The following SH2D3C variants were observed in gnomAD, a reference collection of about 807,000 sequenced individuals.
SH2D3C encodes the protein SH2 domain containing 3C.
SH2D3C carries 25 observed loss-of-function variants against 75.2 expected under a neutral mutation model. The observed-to-expected ratio is 0.33, with a 90% CI of 0.24 to 0.46. The LOEUF (loss-of-function observed/expected upper bound fraction) is 0.46, where lower values mean the gene tolerates loss of function less well. SH2D3C is among the 20% of genes least tolerant of loss of function. SH2D3C has a pLI of 1.00. For missense variants in SH2D3C, 933 were observed against 1,165.3 expected, an observed-to-expected ratio of 0.80 and a Z score of 2.90; for synonymous variants, 450 against 473.7, an observed-to-expected ratio of 0.95 and a Z score of 0.65.
rs1845774557 is a variant in SH2D3C, at chr9:127,774,033, C to CTCCTGTG, written c.465_471dup (p.Asp158HisfsTer131). 1.2e-6 allele frequency: 2 copies of CTCCTGTG among 1,614,128 alleles called. No homozygotes were observed. Among genetic ancestry groups the CTCCTGTG allele is most frequent in the East Asian group, 4.5e-5 (2 of 44,888 alleles). Reference sequence around the variant, plus strand: ...CTGGGAGGTCTCTCCTCTTCTACGTCTCCTGTGGGGACCTCAGGCTTTCTG... The same window carrying CTCCTGTG: ...CTGGGAGGTCTCTCCTCTTCTACGTCTCCTGTGTCCTGTGGGGACCTCAGGCTTTCTG... On this transcript the variant is annotated frameshift_variant, in exon 2 of 12. Coordinates refer to ENST00000314830, the MANE Select transcript of SH2D3C (RefSeq NM_170600.3). LOFTEE classifies it high-confidence loss of function. The surrounding 1 kb of genome is among the most constrained non-coding windows in gnomAD (Gnocchi z 4.3).
intron 3 of SH2D3C, among the ~76,000 whole-genome samples, chr9:127,760,545 T>C (rs1333422304): frequency 1.3e-5 from 2 of 152,180 alleles, no homozygotes; most frequent in Non-Finnish European, 2.9e-5. Flanking sequence ...TATACCTATG[T>C]AACAAACCTG....
chr9:127,759,876 G>C (rs184921256), intron 3 of SH2D3C, among the ~76,000 whole-genome samples: 1 of 151,842 alleles, frequency 6.6e-6, no homozygotes, highest in Non-Finnish European at 1.5e-5. Context: ...CCAGCTACTC[G>C]GGAGGCTGAG....
At chr9:127,766,462 T>C (rs1039126283) in intron 2 of SH2D3C, among the ~76,000 whole-genome samples, 4 of 152,232 alleles carry the variant, frequency 2.6e-5, no homozygotes, top group Non-Finnish European at 5.9e-5. Context: ...TCCTGGCCCA[T>C]GTGGGGCTCC....
intron 2 of SH2D3C, chr9:127,767,233 G>A: frequency 6.7e-7 from 1 of 1,488,514 alleles, no homozygotes; most frequent in South Asian, 1.3e-5. Flanking sequence ...CGGAGCTGAG[G>A]ATGCTGGGCC....
chr9:127,771,168 C>A, intron 2 of SH2D3C: 1 of 1,535,164 alleles, frequency 6.5e-7, no homozygotes, highest in South Asian at 1.2e-5. Context: ...CCTCCCCAGG[C>A]CCAGCTCGGT....
intron 2 of SH2D3C, among the ~76,000 whole-genome samples, chr9:127,768,236 G>C (rs1365886412): frequency 2.0e-5 from 3 of 152,192 alleles, no homozygotes; most frequent in African/African-American, 7.2e-5. Flanking sequence ...GGCCGAGAGG[G>C]TCGTGGGACT....
intron 6 of SH2D3C, among the ~76,000 whole-genome samples, chr9:127,746,123 A>C (rs1385234924): frequency 1.3e-5 from 2 of 152,206 alleles, no homozygotes; most frequent in East Asian, 3.8e-4. Context: ...GATTGCTTAG[A>C]AACTGTCCAA....
rs754886525 is a variant in SH2D3C at position 127,751,586 on chromosome 9, G to A, written c.556-286C>T. Reference sequence around the variant, plus strand: ...CAAGGCAGTGCCTAGTCTGAGGAGAGGCAAAAGCAACAGGAGCCTCTGAGT... The same window carrying A: ...CAAGGCAGTGCCTAGTCTGAGGAGAAGCAAAAGCAACAGGAGCCTCTGAGT... On this transcript the variant is annotated intron_variant, in intron 3 of 11. Coordinates refer to ENST00000314830, the MANE Select transcript of SH2D3C (RefSeq NM_170600.3). This position sits in a 1 kb window ranked among gnomAD's most constrained non-coding sequence, Gnocchi z 4.1. 2.6e-5 allele frequency among the ~76,000 whole-genome samples: 4 copies of A among 152,260 alleles called. No individual in the cohort carries two copies. The highest frequency in any genetic ancestry group is 5.9e-5 in the Non-Finnish European group (4 of 68,056).
At chr9:127,741,720 A>G in intron 9 of SH2D3C, 68 bp downstream of exon 9, 2 of 1,543,658 alleles carry the variant, frequency 1.3e-6, no homozygotes, top group South Asian at 1.2e-5. Flanking sequence ...ATATACAGCC[A>G]TCCCAAAGGC....
At chr9:127,742,519 G>A (rs950961741) in intron 8 of SH2D3C, 24 of 246,792 alleles carry the variant, frequency 9.7e-5, no homozygotes, top group African/African-American at 4.3e-4. Flanking sequence ...TTACAGGCTC[G>A]AGCCACCGCG....
chr9:127,770,061 G>A (rs570929430), intron 2 of SH2D3C, among the ~76,000 whole-genome samples: 1 of 152,264 alleles, frequency 6.6e-6, no homozygotes, highest in African/African-American at 2.4e-5. Flanking sequence ...CTGTAGGATG[G>A]ATTGAGGAGG....
chr9:127,739,972 G>A lies in SH2D3C; in HGVS notation c.2201-84C>T. 7.6e-7 allele frequency: 1 copy of A among 1,309,038 alleles called. No homozygotes were observed. The highest frequency in any genetic ancestry group is 1.5e-5 in the South Asian group (1 of 65,460). The allele number at this position is 1,309,038 out of a possible 1,614,324, so 81.1% of individuals were successfully genotyped here. A position where few individuals can be genotyped will look rare whatever the true frequency, so the allele number is the denominator to read the frequency against. On this transcript the variant is annotated intron_variant, in intron 10 of 11. Transcript: ENST00000314830. This position sits in a 1 kb window ranked among gnomAD's most constrained non-coding sequence, Gnocchi z 4.3. Reference sequence around the variant, plus strand: ...AGTCCTGGAAGCTGAGGTGCAGGAGGGAACGGGCCTGGCTGAGGTCCGGGA... The same window carrying A: ...AGTCCTGGAAGCTGAGGTGCAGGAGAGAACGGGCCTGGCTGAGGTCCGGGA...
chr9:127,762,309 C>A (rs899600374), intron 2 of SH2D3C: 1 of 1,293,656 alleles, frequency 7.7e-7, no homozygotes, highest in Non-Finnish European at 1.0e-6. Context: ...ACCACTCCCC[C>A]CACCGCATGG....
At chr9:127,744,072 CTTTT>C (rs34636940) in intron 7 of SH2D3C, among the ~76,000 whole-genome samples, 1 of 114,546 alleles carries the variant, frequency 8.7e-6, no homozygotes, top group Non-Finnish European at 1.7e-5. Flanking sequence ...ATCTTATGTG[CTTTT>C]TTTTTTTTTT....
chr9:127,749,644 G>A lies in SH2D3C; in HGVS notation c.706C>T (p.Arg236Cys), dbSNP rs772902295. Reference protein sequence around the residue: ...PREVSETLVQRNGDFLIRDSL... With the variant: ...PREVSETLVQCNGDFLIRDSL... ...TCCCGGATGAGGAAGTCGCCGTTGC[G>A]TTGTACCAAGGTCTCCGAGACCTGC... Residue 236 changes from arginine to cysteine, a missense_variant, in exon 5 of 12, where the codon CGC (arginine) becomes TGC (cysteine). Coordinates refer to ENST00000314830, the MANE Select transcript of SH2D3C (RefSeq NM_170600.3). This position sits in a 1 kb window ranked among gnomAD's most constrained non-coding sequence, Gnocchi z 5.9. The A allele has an allele frequency of 2.1e-5, 33 of 1,559,450 alleles. No individual in the cohort carries two copies. Among genetic ancestry groups the A allele is most frequent in the South Asian group, 3.5e-5 (3 of 85,688 alleles).
chr9:127,767,261 A>C (rs1273494605), intron 2 of SH2D3C: 8 of 1,460,526 alleles, frequency 5.5e-6, no homozygotes, highest in Non-Finnish European at 7.2e-6. Context: ...CTGCCACCCA[A>C]GTCTCAAAAC....
chr9:127,744,773 T>G lies in SH2D3C; in HGVS notation c.1591A>C (p.Asn531His). 3 of 1,614,152 alleles carry G rather than the reference T, an allele frequency of 1.9e-6. No homozygotes were observed. Among genetic ancestry groups the G allele is most frequent in the Non-Finnish European group, 1.7e-6 (2 of 1,180,026 alleles). Residue 531 changes from asparagine (N) to histidine (H), a missense_variant, in exon 7 of 12, where the codon AAT becomes CAT. Physicochemically the swap from Asn to His is moderately conservative, Grantham distance 68. Transcript: ENST00000314830. ...YGERLKELSE[N>H]GAPEGDWGKT... ...CCCCAGTCCCCTTCAGGGGCCCCAT[T>G]TTCTGACAGTTCCTTTAGCCTCTCC...
At chr9:127,743,111 G>C (rs941125935) in intron 7 of SH2D3C, 147 bp from the exon 8 acceptor site, 2 of 560,792 alleles carry the variant, frequency 3.6e-6, no homozygotes, top group Non-Finnish European at 6.4e-6. Flanking sequence ...CTCTGATATG[G>C]AGCAAGTGAC....
At chr9:127,742,287 A>G (rs1844886219) in intron 8 of SH2D3C, among the ~76,000 whole-genome samples, 1 of 152,132 alleles carries the variant, frequency 6.6e-6, no homozygotes, top group East Asian at 1.9e-4. Context: ...CCCAGTCTGG[A>G]GTGCAATGGC....
Sources: allele counts gnomAD v4.1 joint callset (sites outside exome capture counted in the v4.1 genomes callset), GRCh38; gene constraint gnomAD v4.1.1; non-coding constraint Gnocchi (gnomAD v3.1); transcripts MANE v1.5; gene names NCBI Gene and HGNC (gene_info 2026-07-23, HGNC 2026-07-21).